MYH6: variants seen among roughly 807,000 people sequenced by gnomAD.
MYH6 encodes the protein myosin heavy chain 6.
A neutral mutation model predicts 223.2 loss-of-function variants in MYH6; 126 were observed. That is an observed-to-expected ratio of 0.56 (90% confidence interval 0.49 to 0.65). MYH6 has a LOEUF of 0.65. Ranked by LOEUF, MYH6 falls within the 30% of genes least tolerant of loss-of-function variation. The probability of loss-of-function intolerance (pLI) is 0.00; values close to 1 mark genes in which losing one functional copy is unlikely to be tolerated. For synonymous variants in MYH6, 978 were observed against 1,010.2 expected (o/e 0.97, Z 0.61); for missense variants, 2,040 against 2,536.4 (o/e 0.80, Z 4.20).
At chr14:23,395,471 A>T (rs116487051) in intron 20 of MYH6, among the ~76,000 whole-genome samples, 1,749 of 152,318 alleles carry the variant, frequency 0.011, 34 homozygotes, top group African/African-American at 0.04. Flanking sequence ...GTGTACATGT[A>T]TAAGAGTTTC....
chr14:23,383,479 T>A (rs1890923943), intron 36 of MYH6, among the ~76,000 whole-genome samples, 159 bp from the exon 37 acceptor site: 1 of 152,096 alleles, frequency 6.6e-6, no homozygotes, highest in Non-Finnish European at 1.5e-5. Flanking sequence ...GACTCTATCG[T>A]AGGTCAAAGG....
chr14:23,394,234 G>C lies in MYH6; in HGVS notation c.2519C>G (p.Pro840Arg). Residue 840 changes from proline (P) to arginine (R), a missense_variant, in exon 21 of 39, where the codon CCG becomes CGG. Physicochemically the swap from Pro to Arg is moderately radical, Grantham distance 103. This residue lies in a region of MYH6 where 649 missense variants were observed against 877.3 expected (regional missense o/e 0.74). Coordinates refer to ENST00000405093, the MANE Select transcript of MYH6 (RefSeq NM_002471.4). ...CTCCGTCTCTGCGCTCTTCAGCAGCGGCTTGATCTTGAAGTAGAGCTTCAT... is the reference window on the plus strand; with the variant it reads ...CTCCGTCTCTGCGCTCTTCAGCAGCCGCTTGATCTTGAAGTAGAGCTTCAT... Reference protein sequence around the residue: ...PWMKLYFKIKPLLKSAETEKE... With the variant: ...PWMKLYFKIKRLLKSAETEKE... 2 of 1,614,196 alleles carry C rather than the reference G, an allele frequency of 1.2e-6. No homozygotes were observed. Among genetic ancestry groups the C allele is most frequent in the South Asian group, 1.1e-5 (1 of 91,078 alleles).
rs549859506 is a variant in MYH6, at chr14:23,389,374, C to G, written c.3978+19G>C. The G allele has an allele frequency of 2.5e-6, 4 of 1,612,722 alleles. No individual in the cohort carries two copies. Among genetic ancestry groups the G allele is most frequent in the African/African-American group, 2.7e-5 (2 of 75,018 alleles). ...CAGGGCTGCCATCAAGCCTGCCCAC[C>G]CTCCCCACTGGGCCTCACCTTGCCC... On this transcript the variant is annotated intron_variant, in intron 28 of 38. Coordinates refer to ENST00000405093, the MANE Select transcript of MYH6 (RefSeq NM_002471.4).
At chr14:23,397,955 CTTCTTCT>C (rs1566512469) in intron 15 of MYH6, among the ~76,000 whole-genome samples, 1 of 96,804 alleles carries the variant, frequency 1.0e-5, no homozygotes, top group Non-Finnish European at 2.1e-5. Context: ...TCTTCTTCTT[CTTCTTCT>C]TCTTCTTCTT....
intron 37 of MYH6, 108 bp downstream of exon 37, chr14:23,383,117 T>G (rs1300064491): frequency 4.8e-6 from 5 of 1,039,262 alleles, no homozygotes; most frequent in Non-Finnish European, 7.5e-6. Context: ...GTTTGAGAGT[T>G]AAAGTTTATA....
rs1178107866 is a variant in MYH6 at position 23,402,803 on chromosome 14, G to A, written c.899-3C>T. On this transcript the variant is annotated splice_region_variant and splice_polypyrimidine_tract_variant and intron_variant, in intron 10 of 38. Transcript: ENST00000405093. ...ATTGTTGGTGACCAGCAGCATGTCT[G>A]CACCAGGCAAGGGGTGAGGCAGGGG... 1.9e-6 allele frequency: 3 copies of A among 1,580,550 alleles called. No individual in the cohort carries two copies. The highest frequency in any genetic ancestry group is 3.4e-5 in the Admixed American group (2 of 58,838).
At position 23,394,307 on chromosome 14, in the gene MYH6, T is replaced by C; in HGVS notation, c.2446A>G (p.Ile816Val). ...ATGAAGGCCCGAATGTTCCACTGGA[T>C]TACCAGCAGGGCATCCCTGGCAAGG... ...IVERRDALLV[I>V]QWNIRAFMGV... Residue 816 changes from isoleucine to valine, a missense_variant, in exon 21 of 39, where the codon ATC (isoleucine) becomes GTC (valine). This residue lies in a region of MYH6 where 649 missense variants were observed against 877.3 expected (regional missense o/e 0.74). Coordinates refer to ENST00000405093, the MANE Select transcript of MYH6 (RefSeq NM_002471.4). The C allele has an allele frequency of 6.2e-7, 1 of 1,614,118 alleles. No individual in the cohort carries two copies. The highest frequency in any genetic ancestry group is 1.1e-5 in the South Asian group (1 of 91,078).
At position 23,398,804 on chromosome 14, in the gene MYH6, A is replaced by G. The variant is rs1482979587; in HGVS notation, c.1815T>C (p.Thr605=). ...AGGACTTCTGGTACAGGGCCACAACAGTCTCGTTGAGAGGATCCTTGTTTT... is the reference window on the plus strand; with the variant it reads ...AGGACTTCTGGTACAGGGCCACAACGGTCTCGTTGAGAGGATCCTTGTTTT... ...LEKNKDPLNE[T]VVALYQKSSL... Residue 605 remains threonine, a synonymous_variant, in exon 15 of 39, where the codon ACT becomes ACC. Coordinates refer to ENST00000405093, the MANE Select transcript of MYH6 (RefSeq NM_002471.4). The G allele has an allele frequency of 1.2e-6, 2 of 1,614,182 alleles. No homozygotes were observed. Among genetic ancestry groups the G allele is most frequent in the South Asian group, 2.2e-5 (2 of 91,074 alleles).
intron 20 of MYH6, among the ~76,000 whole-genome samples, chr14:23,396,011 A>G (rs1891381466): frequency 6.6e-6 from 1 of 151,738 alleles, no homozygotes; most frequent in African/African-American, 2.4e-5. Flanking sequence ...ATTTTTTAAA[A>G]TTTGTAGACC....
intron 6 of MYH6, 36 bp from the exon 7 acceptor site, chr14:23,404,858 C>A: frequency 6.3e-7 from 1 of 1,590,968 alleles, no homozygotes; most frequent in Non-Finnish European, 8.6e-7. Context: ...ACTCAGGATT[C>A]CTACTGTTCT....
chr14:23,405,900 G>T lies in MYH6; in HGVS notation c.202-130C>A. ...CTCCCCTTGCTCTGACCAGTGCCCC[G>T]GCCCCTACCCCGATGTCCCCTGGGA... On this transcript the variant is annotated intron_variant, in intron 3 of 38. Transcript: ENST00000405093. The surrounding 1 kb of genome is among the most constrained non-coding windows in gnomAD (Gnocchi z 4.7). 8.7e-7 allele frequency: 1 copy of T among 1,149,558 alleles called. No homozygotes were observed. Among genetic ancestry groups the T allele is most frequent in the Non-Finnish European group, 1.3e-6 (1 of 773,256 alleles). 71.2% of individuals were successfully genotyped at this position (1,149,558 alleles called of 1,614,324 possible).
chr14:23,388,760 C>A, intron 29 of MYH6, 99 bp downstream of exon 29: 1 of 1,554,020 alleles, frequency 6.4e-7, no homozygotes, highest in Non-Finnish European at 8.9e-7. Context: ...CCTCCTGTCT[C>A]TTCCACTTCC....
At position 23,384,604 on chromosome 14, in the gene MYH6, C is replaced by T. The variant is rs762151922; in HGVS notation, c.5403G>A (p.Glu1801=). The change falls in exon 36 of 39, where the codon GAG becomes GAA. Residue 1801 remains glutamate (E), a synonymous_variant. Transcript: ENST00000405093. ...CTCCCTTGAGGGCGATCTGCTCGGC[C>T]TCGTCCAGCCGGTGCTGCAGGTCCT... The part of the protein sequence containing the change: ...TIKDLQHRLD[E]AEQIALKGGK... The T allele has an allele frequency of 1.8e-5, 29 of 1,613,760 alleles. No homozygotes were observed. Among genetic ancestry groups the T allele is most frequent in the African/African-American group, 2.7e-5 (2 of 74,946 alleles).
At chr14:23,404,964 C>T (rs1363632061) in intron 6 of MYH6, 136 bp downstream of exon 6, 2 of 1,507,378 alleles carry the variant, frequency 1.3e-6, no homozygotes, top group East Asian at 2.3e-5. Flanking sequence ...ATTGCTCTGG[C>T]ACCCCTCTAA....
chr14:23,406,689 G>C (rs1033066096), intron 3 of MYH6, among the ~76,000 whole-genome samples: 1 of 152,210 alleles, frequency 6.6e-6, no homozygotes, highest in Non-Finnish European at 1.5e-5. Flanking sequence ...CTGAGGCACA[G>C]GGAAGAGGGA....
chr14:23,402,952 G>A, intron 10 of MYH6, 152 bp from the exon 11 acceptor site: 1 of 693,510 alleles, frequency 1.4e-6, no homozygotes, highest in Non-Finnish European at 2.6e-6. Context: ...GAGAAGAGAA[G>A]TCAGCAAGGA....
chr14:23,386,340 A>T lies in MYH6; in HGVS notation c.4934T>A (p.Val1645Asp). 6.2e-7 allele frequency: 1 copy of T among 1,614,024 alleles called. No individual in the cohort carries two copies. The highest frequency in any genetic ancestry group is 8.5e-7 in the Non-Finnish European group (1 of 1,180,002). ...CTTCAGCAAGCTCTGGAGGCTCTTGACTTGCTTCTGGGCCTCGGCAGCCAT... is the reference window on the plus strand; with the variant it reads ...CTTCAGCAAGCTCTGGAGGCTCTTGTCTTGCTTCTGGGCCTCGGCAGCCAT... ...NRMAAEAQKQ[V>D]KSLQSLLKDT... The change falls in exon 33 of 39, where the codon GTC becomes GAC. Residue 1645 changes from valine to aspartate, a missense_variant. Val to Asp is a radical substitution (Grantham distance 152). This residue lies in a region of MYH6 where 1,203 missense variants were observed against 1,400.2 expected (regional missense o/e 0.86). Transcript: ENST00000405093.
In MYH6 at chr14:23,404,375, T is replaced by G; in HGVS notation, c.656A>C (p.Asp219Ala). ...AGCGGGGTTGGCCTGGATGATCTGG[T>G]CCTCCAGGGTGCCCTATGAAAGGAG... is the stretch of plus-strand genomic sequence containing the variant. The part of the protein sequence containing the change: ...NANANKGTLE[D>A]QIIQANPALE... Residue 219 changes from aspartate (D) to alanine (A), a missense_variant, in exon 8 of 39, where the codon GAC (aspartate) becomes GCC (alanine). Around this residue, in one of 4 missense-constraint regions of MYH6, gnomAD observed 649 missense variants for 877.3 expected, o/e 0.74. Transcript: ENST00000405093. 2 of 1,614,182 alleles carry G rather than the reference T, an allele frequency of 1.2e-6. No individual in the cohort carries two copies. Among genetic ancestry groups the G allele is most frequent in the Non-Finnish European group, 8.5e-7 (1 of 1,180,022 alleles).
intron 10 of MYH6, 89 bp downstream of exon 10, chr14:23,403,259 G>A (rs1270667112): frequency 9.2e-7 from 1 of 1,087,716 alleles, no homozygotes; most frequent in Non-Finnish European, 1.4e-6. Context: ...GGGGCACAGT[G>A]GGGAGCAGGA....
Sources: allele counts gnomAD v4.1 joint callset (sites outside exome capture counted in the v4.1 genomes callset), GRCh38; gene constraint gnomAD v4.1.1; regional missense constraint gnomAD v4.1.1; non-coding constraint Gnocchi (gnomAD v3.1); transcripts MANE v1.5; gene names NCBI Gene and HGNC (gene_info 2026-07-23, HGNC 2026-07-21).